Variants in ALS2 observed in about 807,000 individuals in gnomAD.
ALS2 encodes the protein alsin.
ALS2 carries 117 observed loss-of-function variants against 203.4 expected under a neutral mutation model. That is an observed-to-expected ratio of 0.58 (90% CI 0.50 to 0.67). The LOEUF (loss-of-function observed/expected upper bound fraction) is 0.67, where lower values mean the gene tolerates loss of function less well. Ranked by LOEUF, ALS2 falls within the 30% of genes least tolerant of loss-of-function variation. The probability of loss-of-function intolerance (pLI) is 0.00; values close to 1 mark genes in which losing one functional copy is unlikely to be tolerated. For synonymous variants in ALS2, 718 were observed against 725.9 expected, an observed-to-expected ratio of 0.99 and a Z score of 0.17; for missense variants, 1,715 against 1,989.4, an observed-to-expected ratio of 0.86 and a Z score of 2.62.
intron 23 of ALS2, chr2:201,722,789 G>T: frequency 1.9e-6 from 1 of 517,882 alleles, no homozygotes; most frequent in Non-Finnish European, 3.4e-6. Flanking sequence ...GTGATTAAGG[G>T]TGATTAGTGG....
At chr2:201,709,761 TA>T in intron 27 of ALS2, 119 bp downstream of exon 27, 1 of 1,209,920 alleles carries the variant, frequency 8.3e-7, no homozygotes, top group Non-Finnish European at 1.2e-6. Flanking sequence ...ATGTTTTACT[TA>T]ATCTATTAAA....
chr2:201,747,779 GT>G (rs950152249), intron 8 of ALS2, among the ~76,000 whole-genome samples: 7 of 152,062 alleles, frequency 4.6e-5, no homozygotes, highest in African/African-American at 1.7e-4. Flanking sequence ...CACTCCACAG[GT>G]GATTCTGATG....
intron 9 of ALS2, among the ~76,000 whole-genome samples, chr2:201,744,689 T>G (rs1692513638): frequency 6.6e-6 from 1 of 152,074 alleles, no homozygotes; most frequent in African/African-American, 2.4e-5. Context: ...CATTGTTATA[T>G]ATGCATATCC....
In ALS2 at chr2:201,754,989, C is replaced by T. The variant is rs551684108; in HGVS notation, c.1472-318G>A. 2.6e-5 allele frequency among the ~76,000 whole-genome samples: 4 copies of T among 152,260 alleles called. No homozygotes were observed. The South Asian group carries it at 8.3e-4, about 32-fold the overall frequency. On this transcript the variant is annotated intron_variant, in intron 5 of 33. Coordinates refer to ENST00000264276, the MANE Select transcript of ALS2 (RefSeq NM_020919.4). ...CCCAGCTGGAATTCCAAACATTTAG[C>T]CACAGAAACCTTTTCTGTACAACAT...
chr2:201,725,528 T>C, intron 19 of ALS2, 74 bp from the exon 20 acceptor site: 1 of 1,184,962 alleles, frequency 8.4e-7, no homozygotes, highest in Non-Finnish European at 1.3e-6. Context: ...TATATCCTGG[T>C]AAACATTTTA....
chr2:201,713,892 T>C (rs1219241222), intron 25 of ALS2, among the ~76,000 whole-genome samples: 5 of 152,224 alleles, frequency 3.3e-5, no homozygotes, highest in Admixed American at 1.3e-4. Context: ...TCTTGGATAT[T>C]TTGAGCATTA....
At chr2:201,706,141 G>A (rs1158693976) in intron 29 of ALS2, among the ~76,000 whole-genome samples, 2 of 151,820 alleles carry the variant, frequency 1.3e-5, no homozygotes, top group African/African-American at 2.4e-5. Flanking sequence ...ATCCCAGCAC[G>A]TTGGGAGGCC....
chr2:201,768,038 C>A (rs898316102), intron 2 of ALS2, among the ~76,000 whole-genome samples: 1 of 152,124 alleles, frequency 6.6e-6, no homozygotes, highest in Non-Finnish European at 1.5e-5. Context: ...GATATCAAAG[C>A]TACAACATGC....
Position 201,744,438 on chromosome 2 carries a change from G to A in ALS2, c.1999-9C>T. ...CTGCTTATATATCCAAGCTGAAACA[G>A]AAGAAAACAAAAGGATTAAATATAA... On this transcript the variant is annotated splice_polypyrimidine_tract_variant and intron_variant, in intron 9 of 33. Coordinates refer to ENST00000264276, the MANE Select transcript of ALS2 (RefSeq NM_020919.4). 6.2e-7 allele frequency: 1 copy of A among 1,613,316 alleles called. No individual in the cohort carries two copies. The highest frequency in any genetic ancestry group is 8.5e-7 in the Non-Finnish European group (1 of 1,179,552).
At chr2:201,723,594 T>G (rs1314570511) in intron 21 of ALS2, among the ~76,000 whole-genome samples, 153 bp from the exon 22 acceptor site, 1 of 152,202 alleles carries the variant, frequency 6.6e-6, no homozygotes, top group Non-Finnish European at 1.5e-5. Context: ...TCCTCAAATA[T>G]GGGACAAAGT....
At chr2:201,755,063 A>C (rs965878866) in intron 5 of ALS2, among the ~76,000 whole-genome samples, 9 of 152,220 alleles carry the variant, frequency 5.9e-5, no homozygotes, top group African/African-American at 2.2e-4. Flanking sequence ...GCTGAACAAA[A>C]TACTATACTA....
At chr2:201,709,589 G>C (rs1689915079) in intron 27 of ALS2, among the ~76,000 whole-genome samples, 1 of 152,126 alleles carries the variant, frequency 6.6e-6, no homozygotes, top group African/African-American at 2.4e-5. Flanking sequence ...TTTGCCTAGA[G>C]ACTGAATCTA....
At chr2:201,773,773 C>G (rs565703915) in intron 1 of ALS2, among the ~76,000 whole-genome samples, 31 of 152,222 alleles carry the variant, frequency 2.0e-4, no homozygotes, top group African/African-American at 7.2e-4. Context: ...TTAAGGAGCT[C>G]CTGCGCCTGG....
At chr2:201,714,307 A>C (rs1690229054) in intron 25 of ALS2, among the ~76,000 whole-genome samples, 1 of 152,212 alleles carries the variant, frequency 6.6e-6, no homozygotes, top group Non-Finnish European at 1.5e-5. Context: ...GGCAACTGCC[A>C]AGCACAGGGT....
intron 4 of ALS2, 62 bp from the exon 5 acceptor site, chr2:201,757,821 A>G (rs2106081025): frequency 7.6e-7 from 1 of 1,316,574 alleles, no homozygotes; most frequent in Admixed American, 2.1e-5. Flanking sequence ...CAAGCAATCA[A>G]TAAAAAGAAA....
chr2:201,764,926 GA>G (rs1215321304), intron 3 of ALS2, among the ~76,000 whole-genome samples: 4 of 151,770 alleles, frequency 2.6e-5, no homozygotes, highest in Admixed American at 2.6e-4. Context: ...AAATATTTTT[GA>G]AAAGTTTTCC....
At chr2:201,749,614 A>T in intron 8 of ALS2, 98 bp downstream of exon 8, 1 of 1,196,440 alleles carries the variant, frequency 8.4e-7, no homozygotes, top group South Asian at 1.3e-5. Context: ...GGTTGTACGT[A>T]TGAAATTCCC....
At chr2:201,726,055 T>C (rs1170616700) in intron 19 of ALS2, among the ~76,000 whole-genome samples, 1 of 152,210 alleles carries the variant, frequency 6.6e-6, no homozygotes, top group Non-Finnish European at 1.5e-5. Flanking sequence ...ATTGAGATAA[T>C]ATAGCACTTG....
At chr2:201,733,219 A>G in intron 13 of ALS2, 57 bp downstream of exon 13, 2 of 1,578,168 alleles carry the variant, frequency 1.3e-6, no homozygotes, top group Non-Finnish European at 1.7e-6. Context: ...TAATCCATAC[A>G]AACAACTATG....
Sources: allele counts gnomAD v4.1 joint callset (sites outside exome capture counted in the v4.1 genomes callset), GRCh38; gene constraint gnomAD v4.1.1; transcripts MANE v1.5; gene names NCBI Gene and HGNC (gene_info 2026-07-23, HGNC 2026-07-21).